NSG2: variants seen among roughly 807,000 people sequenced by gnomAD.
The protein encoded by NSG2 is neuronal vesicle trafficking-associated protein 2.
In NSG2, 4 loss-of-function variants were observed where a neutral mutation model predicts 16.9. The ratio of observed to expected loss-of-function variants is 0.24; its 90% CI spans 0.12 to 0.54. The LOEUF is 0.54. NSG2 is among the 20% of genes least tolerant of loss of function. The probability of loss-of-function intolerance (pLI) is 0.95; values close to 1 mark genes in which losing one functional copy is unlikely to be tolerated. For synonymous variants in NSG2, 98 were observed against 88.7 expected (o/e 1.11, Z -0.59); for missense variants, 179 against 221.1 (o/e 0.81, Z 1.21).
intron 3 of NSG2, among the ~76,000 whole-genome samples, chr5:174,093,113 A>T (rs1760745152): frequency 6.6e-6 from 1 of 152,206 alleles, no homozygotes. Flanking sequence ...GGTCTGAGTT[A>T]TAATCCTCAC....
At chr5:174,047,546 C>A (rs1386090459) in intron 2 of NSG2, among the ~76,000 whole-genome samples, 2 of 152,164 alleles carry the variant, frequency 1.3e-5, no homozygotes, top group African/African-American at 2.4e-5. Context: ...CCCTTCCTGG[C>A]AGACCATGGA....
intron 3 of NSG2, among the ~76,000 whole-genome samples, chr5:174,101,421 A>C (rs1197168766): frequency 6.6e-6 from 1 of 152,164 alleles, no homozygotes; most frequent in Non-Finnish European, 1.5e-5. Flanking sequence ...ATCACACCAA[A>C]AGGAAACCCT....
chr5:174,056,027 A>T (rs1030631899), intron 2 of NSG2: 1 of 152,266 alleles, frequency 6.6e-6, no homozygotes, highest in Admixed American at 6.5e-5. Context: ...CCAACTAAGG[A>T]TGCAGGCCCC....
chr5:174,064,380 C>T, intron 3 of NSG2, 65 bp downstream of exon 3: 1 of 1,114,824 alleles, frequency 9.0e-7, no homozygotes. Context: ...GCTCAGCACA[C>T]CTCGTGCTTG....
intron 3 of NSG2, among the ~76,000 whole-genome samples, chr5:174,099,678 C>T (rs1384237969): frequency 1.6e-4 from 25 of 152,172 alleles, no homozygotes; most frequent in Admixed American, 1.6e-3. Flanking sequence ...GCCTGTGATG[C>T]CTCTAGAACA....
chr5:174,054,964 A>T (rs2113423068), intron 2 of NSG2, among the ~76,000 whole-genome samples: 1 of 152,354 alleles, frequency 6.6e-6, no homozygotes, highest in African/African-American at 2.4e-5. Context: ...GAAAATACAT[A>T]GCAAATGTTT....
At chr5:174,066,552 G>C (rs1291139996) in intron 3 of NSG2, among the ~76,000 whole-genome samples, 1 of 152,062 alleles carries the variant, frequency 6.6e-6, no homozygotes. Flanking sequence ...TTCCCTCAGA[G>C]AGTAGTTTTC....
At chr5:174,083,661 G>A (rs1760536942) in intron 3 of NSG2, among the ~76,000 whole-genome samples, 1 of 152,144 alleles carries the variant, frequency 6.6e-6, no homozygotes, top group Admixed American at 6.5e-5. Context: ...TGAGCTGGTT[G>A]GGCAGCTGCT....
intron 3 of NSG2, among the ~76,000 whole-genome samples, chr5:174,102,243 G>T (rs970922070): frequency 6.6e-6 from 1 of 151,950 alleles, no homozygotes; most frequent in Non-Finnish European, 1.5e-5. Flanking sequence ...AATTCCTCCC[G>T]TCCAGTATTT....
At chr5:174,093,185 A>G (rs60270466) in intron 3 of NSG2, among the ~76,000 whole-genome samples, 20,494 of 152,174 alleles carry the variant, frequency 0.13, 1,767 homozygotes, top group African/African-American at 0.23. Flanking sequence ...TACAATGGGC[A>G]CACTGATAGC....
rs1477730714 is a variant in NSG2 at position 174,074,668 on chromosome 5, C to G, written c.213+10353C>G. ...ACTGCAGGCTCTTCCAAAGGTGGGC[C>G]TTGCTGCTGATTCCTGTCCCTCTGC... On this transcript the variant is annotated intron_variant, in intron 3 of 4. Coordinates refer to ENST00000303177, the MANE Select transcript of NSG2 (RefSeq NM_015980.5). 2.0e-5 allele frequency among the ~76,000 whole-genome samples: 3 copies of G among 152,064 alleles called. No individual in the cohort carries two copies. In the East Asian group the frequency reaches 5.8e-4, roughly 29 times the overall value.
At chr5:174,081,713 A>AC (rs1194311939) in intron 3 of NSG2, 1 of 151,914 alleles carries the variant, frequency 6.6e-6, no homozygotes, top group Non-Finnish European at 1.5e-5. Flanking sequence ...ACAAGGTGAA[A>AC]CCCCATCTCT....
At chr5:174,063,857 A>G (rs1760096974) in intron 2 of NSG2, among the ~76,000 whole-genome samples, 1 of 152,218 alleles carries the variant, frequency 6.6e-6, no homozygotes, top group African/African-American at 2.4e-5. Context: ...GCAAAATACA[A>G]TGATATATTT....
chr5:174,095,766 G>A (rs564026658), intron 3 of NSG2, among the ~76,000 whole-genome samples: 2 of 152,308 alleles, frequency 1.3e-5, no homozygotes, highest in African/African-American at 2.4e-5. Flanking sequence ...AGAGACAGAT[G>A]TTGTTACAAT....
intron 2 of NSG2, among the ~76,000 whole-genome samples, chr5:174,057,846 G>A (rs1443527045): frequency 6.6e-6 from 1 of 152,234 alleles, no homozygotes; most frequent in East Asian, 1.9e-4. Flanking sequence ...AGGTTTGCTG[G>A]TATTGTCTCT....
At chr5:174,046,673 C>T (rs1283305690) in intron 1 of NSG2, 61 bp from the exon 2 acceptor site, 9 of 1,525,104 alleles carry the variant, frequency 5.9e-6, no homozygotes, top group South Asian at 2.3e-5. Context: ...TTTTCTCTGT[C>T]GTCAGCCCTC....
chr5:174,087,468 T>C (rs150970925), intron 3 of NSG2, among the ~76,000 whole-genome samples: 1 of 152,064 alleles, frequency 6.6e-6, no homozygotes, highest in African/African-American at 2.4e-5. Context: ...CCTTATAGAG[T>C]TGGTTTTAAA....
At chr5:174,097,581 CTG>C (rs75455233) in intron 3 of NSG2, among the ~76,000 whole-genome samples, 18,772 of 141,394 alleles carry the variant, frequency 0.13, 1,598 homozygotes, top group African/African-American at 0.25. Flanking sequence ...GTGTGTGTGT[CTG>C]TGTGTGTGTA....
chr5:174,094,589 T>A (rs1334840258), intron 3 of NSG2, among the ~76,000 whole-genome samples: 4 of 152,164 alleles, frequency 2.6e-5, no homozygotes, highest in Non-Finnish European at 1.5e-5. Context: ...CTAAATACTT[T>A]CCAGAATGCA....
Sources: gnomAD v4.1 joint callset for allele counts (sites outside exome capture counted in the v4.1 genomes callset) on GRCh38, gnomAD v4.1.1 for gene constraint, MANE v1.5 for transcripts, NCBI Gene and HGNC (gene_info 2026-07-23, HGNC 2026-07-21) for gene names.